Variants in FBXL7 observed in about 807,000 individuals in gnomAD.
The protein encoded by FBXL7 is F-box and leucine rich repeat protein 7, also known as F-box/LRR-repeat protein 7.
A neutral mutation model predicts 38.3 loss-of-function variants in FBXL7; 12 were observed. The ratio of observed to expected loss-of-function variants is 0.31; its 90% CI spans 0.20 to 0.51. The LOEUF (loss-of-function observed/expected upper bound fraction) is 0.51. Among genes scored for constraint, FBXL7 ranks in the 20% least tolerant of loss-of-function variants. The probability of loss-of-function intolerance (pLI) is 0.98; values close to 1 mark genes in which losing one functional copy is unlikely to be tolerated. For missense variants in FBXL7, 567 were observed against 676.4 expected, an observed-to-expected ratio of 0.84 and a Z score of 1.79; for synonymous variants, 297 against 300.9, an observed-to-expected ratio of 0.99 and a Z score of 0.13.
chr5:15,632,060 C>A (rs971067880), intron 2 of FBXL7, among the ~76,000 whole-genome samples: 1 of 152,190 alleles, frequency 6.6e-6, no homozygotes, highest in South Asian at 2.1e-4. Context: ...ACAGTAAGAT[C>A]TTTCTGTTGT....
intron 2 of FBXL7, among the ~76,000 whole-genome samples, chr5:15,618,579 C>T (rs1009530705): frequency 2.0e-5 from 3 of 152,158 alleles, no homozygotes; most frequent in Non-Finnish European, 1.5e-5. Flanking sequence ...ATTTCCTCCA[C>T]GCACAGGAGA....
intron 2 of FBXL7, among the ~76,000 whole-genome samples, chr5:15,695,490 G>C (rs1162641568): frequency 1.3e-5 from 2 of 152,106 alleles, no homozygotes; most frequent in Non-Finnish European, 2.9e-5. Context: ...CAGTCCTTTT[G>C]AAAACAAGTG....
intron 2 of FBXL7, among the ~76,000 whole-genome samples, chr5:15,828,564 T>C (rs1391487469): frequency 2.6e-5 from 4 of 152,208 alleles, no homozygotes; most frequent in African/African-American, 4.8e-5. Flanking sequence ...GCCTTCTCTA[T>C]TAATTGAACA....
chr5:15,545,007 C>T (rs1244168950), intron 1 of FBXL7, among the ~76,000 whole-genome samples: 2 of 152,168 alleles, frequency 1.3e-5, no homozygotes, highest in Non-Finnish European at 2.9e-5. Context: ...ATGAATCGTT[C>T]TAGAGGCAAA....
At chr5:15,725,538 GA>G (rs1459282962) in intron 2 of FBXL7, among the ~76,000 whole-genome samples, 1 of 152,174 alleles carries the variant, frequency 6.6e-6, no homozygotes, top group African/African-American at 2.4e-5. Flanking sequence ...TAAATCTAAT[GA>G]GATTTAGTTT....
chr5:15,802,442 G>A (rs1034623035), intron 2 of FBXL7, among the ~76,000 whole-genome samples: 4 of 151,230 alleles, frequency 2.6e-5, no homozygotes, highest in Non-Finnish European at 5.9e-5. Flanking sequence ...TTTGTTCACT[G>A]CTAAACAGTG....
intron 2 of FBXL7, among the ~76,000 whole-genome samples, chr5:15,878,945 G>C (rs558143207): frequency 6.6e-6 from 1 of 152,256 alleles, no homozygotes; most frequent in South Asian, 2.1e-4. Flanking sequence ...TTTTGCATTA[G>C]TATCAGAAAG....
intron 2 of FBXL7, among the ~76,000 whole-genome samples, chr5:15,790,266 A>C (rs1402715871): frequency 4.6e-5 from 7 of 152,154 alleles, no homozygotes. Flanking sequence ...GGTAGATGGA[A>C]GCTTTCCTCT....
At chr5:15,595,051 C>T (rs188919750) in intron 1 of FBXL7, among the ~76,000 whole-genome samples, 1 of 152,314 alleles carries the variant, frequency 6.6e-6, no homozygotes, top group Non-Finnish European at 1.5e-5. Context: ...GTAAACTTCT[C>T]CCATGGGCTC....
At chr5:15,855,671 T>C (rs1739250202) in intron 2 of FBXL7, among the ~76,000 whole-genome samples, 1 of 152,190 alleles carries the variant, frequency 6.6e-6, no homozygotes, top group Non-Finnish European at 1.5e-5. Flanking sequence ...AACAGCTTCA[T>C]AAGCAGATAT....
chr5:15,856,729 C>T (rs1739283569), intron 2 of FBXL7, among the ~76,000 whole-genome samples: 1 of 150,384 alleles, frequency 6.6e-6, no homozygotes, highest in Non-Finnish European at 1.5e-5. Context: ...CTTTTCCTTC[C>T]TTCCTTCCTT....
intron 1 of FBXL7, among the ~76,000 whole-genome samples, chr5:15,571,164 A>G (rs975569835): frequency 6.6e-6 from 1 of 152,074 alleles, no homozygotes; most frequent in African/African-American, 2.4e-5. Context: ...TCCTTGTTCT[A>G]CAAGTGGATT....
At chr5:15,782,987 C>T (rs1482501728) in intron 2 of FBXL7, among the ~76,000 whole-genome samples, 1 of 152,106 alleles carries the variant, frequency 6.6e-6, no homozygotes, top group African/African-American at 2.4e-5. Context: ...CACCAAACAG[C>T]TGTGTGATTT....
At chr5:15,896,182 G>A (rs1321286542) in intron 2 of FBXL7, among the ~76,000 whole-genome samples, 4 of 152,024 alleles carry the variant, frequency 2.6e-5, no homozygotes, top group Non-Finnish European at 4.4e-5. Flanking sequence ...ATGCCACCAT[G>A]CCTGGCTAAT....
chr5:15,677,403 G>C (rs1436020484), intron 2 of FBXL7, among the ~76,000 whole-genome samples: 1 of 151,980 alleles, frequency 6.6e-6, no homozygotes, highest in Non-Finnish European at 1.5e-5. Context: ...GGAAGTGGAG[G>C]TTGCAGTAAG....
chr5:15,674,181 T>A (rs979129666), intron 2 of FBXL7, among the ~76,000 whole-genome samples: 2 of 152,198 alleles, frequency 1.3e-5, no homozygotes, highest in African/African-American at 4.8e-5. Flanking sequence ...TAGTGATAAT[T>A]CATTGCAATG....
intron 2 of FBXL7, among the ~76,000 whole-genome samples, chr5:15,715,359 C>A (rs1744013012): frequency 6.6e-6 from 1 of 151,924 alleles, no homozygotes; most frequent in South Asian, 2.1e-4. Flanking sequence ...GGCGTGATGG[C>A]ACGTGCCTGT....
chr5:15,885,120 A>G (rs1011152176), intron 2 of FBXL7, among the ~76,000 whole-genome samples: 3 of 152,332 alleles, frequency 2.0e-5, no homozygotes, highest in African/African-American at 4.8e-5. Flanking sequence ...AGGCTGGACC[A>G]GGGAAAGATC....
intron 2 of FBXL7, among the ~76,000 whole-genome samples, chr5:15,619,462 A>G (rs1273165492): frequency 6.6e-6 from 1 of 152,206 alleles, no homozygotes; most frequent in South Asian, 2.1e-4. Context: ...AGAGGAGCCA[A>G]GCTAAAACTG....
Sources: allele counts gnomAD v4.1 joint callset (sites outside exome capture counted in the v4.1 genomes callset), GRCh38; gene constraint gnomAD v4.1.1; transcripts MANE v1.5; gene names NCBI Gene and HGNC (gene_info 2026-07-23, HGNC 2026-07-21).